The following KATNA1 variants were observed in gnomAD, a reference collection of about 807,000 sequenced individuals.
KATNA1 encodes the protein katanin catalytic subunit A1.
In KATNA1, 42 loss-of-function variants were observed where a neutral mutation model predicts 62.6. The observed-to-expected ratio is 0.67, with a 90% CI of 0.52 to 0.87. The LOEUF (loss-of-function observed/expected upper bound fraction) is 0.87. KATNA1 is among the 40% of genes least tolerant of loss of function. The probability of loss-of-function intolerance (pLI) is 0.00; values close to 1 mark genes in which losing one functional copy is unlikely to be tolerated. For missense variants in KATNA1, 498 were observed against 612.5 expected (o/e 0.81, Z 1.97); for synonymous variants, 186 against 201.9 (o/e 0.92, Z 0.67).
rs374676332 is a variant in KATNA1 at position 149,638,298 on chromosome 6, T to A, written c.162+88A>T. On this transcript the variant is annotated intron_variant, in intron 2 of 10. Transcript: ENST00000367411. ...GCTCGGTAGTCATACAGTCTTAACA[T>A]GTAACTACATACAGCATTGACATCT... is the stretch of plus-strand genomic sequence containing the variant. 1.1e-3 allele frequency: 1,371 copies of A among 1,237,360 alleles called. 25 individuals carry two copies. In the South Asian group the frequency reaches 0.017, roughly 16 times the overall value. 76.6% of individuals were successfully genotyped at this position (1,237,360 alleles called of 1,614,324 possible).
chr6:149,609,817 T>C (rs80070788), intron 4 of KATNA1, among the ~76,000 whole-genome samples: 1 of 56,416 alleles, frequency 1.8e-5, no homozygotes, highest in African/African-American at 8.8e-5. Context: ...AAAAAAAAAA[T>C]AGGCCAGGTG....
chr6:149,620,157 A>G (rs1403177784), intron 4 of KATNA1, among the ~76,000 whole-genome samples: 1 of 152,180 alleles, frequency 6.6e-6, no homozygotes, highest in Non-Finnish European at 1.5e-5. Context: ...AGACGTACAG[A>G]GTACAATAAT....
intron 4 of KATNA1, among the ~76,000 whole-genome samples, chr6:149,616,285 T>C (rs1011324016): frequency 2.0e-5 from 3 of 152,186 alleles, no homozygotes; most frequent in African/African-American, 7.2e-5. Flanking sequence ...ATGTCAACTA[T>C]ATGATTGGGA....
chr6:149,606,573 C>G (rs1306574142), intron 4 of KATNA1, among the ~76,000 whole-genome samples: 1 of 151,880 alleles, frequency 6.6e-6, no homozygotes, highest in Non-Finnish European at 1.5e-5. Context: ...GTGTATTGAG[C>G]CTCCAATATT....
chr6:149,637,996 G>A (rs1243519067), intron 2 of KATNA1, among the ~76,000 whole-genome samples: 1 of 151,968 alleles, frequency 6.6e-6, no homozygotes. Flanking sequence ...TTATTTTTGA[G>A]ACAAGGTCTA....
intron 4 of KATNA1, among the ~76,000 whole-genome samples, chr6:149,608,688 A>G (rs1262985381): frequency 2.6e-5 from 4 of 152,280 alleles, no homozygotes; most frequent in Admixed American, 1.3e-4. Context: ...GAGCCCCTGC[A>G]TGTTCTCTCC....
At chr6:149,596,893 G>A (rs78741691) in intron 10 of KATNA1, among the ~76,000 whole-genome samples, 170 bp downstream of exon 10, 200 of 151,928 alleles carry the variant, frequency 1.3e-3, no homozygotes, top group African/African-American at 4.3e-3. Context: ...AAAACTTCAC[G>A]TCAGAGGATC....
chr6:149,599,700 TAG>T (rs1200209342), intron 7 of KATNA1, among the ~76,000 whole-genome samples: 1 of 152,046 alleles, frequency 6.6e-6, no homozygotes, highest in Admixed American at 6.6e-5. Flanking sequence ...GTATTTTTAG[TAG>T]AGACGGGGTT....
chr6:149,648,126 AGGGT>A (rs1197066164), intron 1 of KATNA1, among the ~76,000 whole-genome samples: 1 of 152,082 alleles, frequency 6.6e-6, no homozygotes, highest in Non-Finnish European at 1.5e-5. Flanking sequence ...TTTACCTGTG[AGGGT>A]TTCGGGGTGG....
At chr6:149,609,814 A>AAAAAAAAAAAAAC (rs1562284874) in intron 4 of KATNA1, among the ~76,000 whole-genome samples, 1 of 141,660 alleles carries the variant, frequency 7.1e-6, no homozygotes, top group African/African-American at 2.8e-5. Context: ...AAAAAAAAAA[A>AAAAAAAAAAAAAC]AATAGGCCAG....
chr6:149,635,196 G>C (rs943110768), intron 2 of KATNA1, among the ~76,000 whole-genome samples: 1 of 152,058 alleles, frequency 6.6e-6, no homozygotes, highest in African/African-American at 2.4e-5. Context: ...AGGATTGCTT[G>C]AGCCTGAGGA....
At chr6:149,597,399 C>G (rs1778367643) in intron 9 of KATNA1, 108 bp downstream of exon 9, 1 of 1,354,388 alleles carries the variant, frequency 7.4e-7, no homozygotes, top group East Asian at 2.3e-5. Flanking sequence ...AAGGAAGATA[C>G]TCCTCATGTA....
In KATNA1 at chr6:149,629,771, T is replaced by C. The variant is rs181905807; in HGVS notation, c.320+2988A>G. Among the ~76,000 whole-genome samples the C allele has an allele frequency of 5.9e-5, 9 of 152,240 alleles. No individual in the cohort carries two copies. The East Asian group carries it at 7.7e-4, about 13-fold the overall frequency. On this transcript the variant is annotated intron_variant, in intron 3 of 10. Coordinates refer to ENST00000367411, the MANE Select transcript of KATNA1 (RefSeq NM_007044.4). ...CATGGTTAACTATATATAGGTTACA[T>C]ACCAGTCAGAACAGTGGCAAATAAC...
At chr6:149,646,389 A>G (rs1780489590) in intron 1 of KATNA1, among the ~76,000 whole-genome samples, 1 of 152,214 alleles carries the variant, frequency 6.6e-6, no homozygotes, top group Non-Finnish European at 1.5e-5. Flanking sequence ...CACGAAGCCC[A>G]ATCATGCATC....
rs531426704 is a variant in KATNA1, at chr6:149,620,053, T to C, written c.501+3050A>G. On this transcript the variant is annotated intron_variant, in intron 4 of 10. Transcript: ENST00000367411. ...GTCATTCATGGCAACATGGATGAGT[T>C]TGGAGGATATCATGTTCAGAGAAAT... Among the ~76,000 whole-genome samples, 3 of 152,236 alleles carry C rather than the reference T, an allele frequency of 2.0e-5. No individual in the cohort carries two copies. The East Asian group carries it at 5.8e-4, about 29-fold the overall frequency.
In KATNA1 at chr6:149,601,593, C is replaced by A. The variant is rs1421148282; in HGVS notation, c.888+1G>T. On this transcript the variant is annotated splice_donor_variant, in intron 7 of 10. Coordinates refer to ENST00000367411, the MANE Select transcript of KATNA1 (RefSeq NM_007044.4). LOFTEE classifies it high-confidence loss of function. Reference sequence around the variant, plus strand: ...TCATTAGAGCTGTCTCAAACATTCACCATTTCAAACAGAAGACGAACAAGC... The same window carrying A: ...TCATTAGAGCTGTCTCAAACATTCAACATTTCAAACAGAAGACGAACAAGC... The A allele has an allele frequency of 6.3e-7, 1 of 1,599,690 alleles. No individual in the cohort carries two copies.
In KATNA1 at chr6:149,638,742, T is replaced by G. The variant is rs192024851; in HGVS notation, c.-13-182A>C. On this transcript the variant is annotated intron_variant, in intron 1 of 10. Coordinates refer to ENST00000367411, the MANE Select transcript of KATNA1 (RefSeq NM_007044.4). ...TAAAAAAAACATTGTTTTTTTTTTT[T>G]TTTTTTTTTTTTGAGACGGAGTCTC... is the stretch of plus-strand genomic sequence containing the variant. The G allele has an allele frequency of 1.4e-3, 598 of 440,394 alleles. 4 individuals carry two copies. Among genetic ancestry groups the G allele is most frequent in the African/African-American group, 0.01 (474 of 46,472 alleles). 27.3% of individuals were successfully genotyped at this position (440,394 alleles called of 1,614,324 possible).
At chr6:149,613,358 G>A (rs1562287066) in intron 4 of KATNA1, among the ~76,000 whole-genome samples, 3 of 151,928 alleles carry the variant, frequency 2.0e-5, no homozygotes, top group Middle Eastern at 3.4e-3. Flanking sequence ...ACATAGTACT[G>A]GAAGTTCTAG....
intron 8 of KATNA1, 50 bp from the exon 9 acceptor site, chr6:149,597,691 C>A (rs1275054575): frequency 6.5e-7 from 1 of 1,534,824 alleles, no homozygotes. Context: ...TTGGATTATA[C>A]CAAATGAAGC....
Sources: allele counts gnomAD v4.1 joint callset (sites outside exome capture counted in the v4.1 genomes callset), GRCh38; gene constraint gnomAD v4.1.1; transcripts MANE v1.5; gene names NCBI Gene and HGNC (gene_info 2026-07-23, HGNC 2026-07-21).